Variants in IQCJ observed in about 807,000 individuals in gnomAD.
IQCJ encodes the protein IQ domain-containing protein J.
IQCJ carries 9 observed loss-of-function variants against 11.0 expected under a neutral mutation model. The ratio of observed to expected loss-of-function variants is 0.82; its 90% confidence interval spans 0.49 to 1.43. The LOEUF (loss-of-function observed/expected upper bound fraction) is 1.43. Ranked by LOEUF, IQCJ falls within the 40% of genes most tolerant of loss-of-function variation. The probability of loss-of-function intolerance (pLI) is 0.00; values close to 1 mark genes in which losing one functional copy is unlikely to be tolerated. For synonymous variants in IQCJ, 55 were observed against 51.3 expected, an observed-to-expected ratio of 1.07 and a Z score of -0.31; for missense variants, 146 against 133.2, an observed-to-expected ratio of 1.10 and a Z score of -0.47.
chr3:159,116,614 GTA>G (rs57810703), intron 1 of IQCJ, among the ~76,000 whole-genome samples: 47 of 57,710 alleles, frequency 8.1e-4, no homozygotes, highest in South Asian at 2.3e-3. Context: ...CTGCTCATAT[GTA>G]TATATATATA....
At chr3:159,145,445 C>A (rs1014322383) in intron 1 of IQCJ, among the ~76,000 whole-genome samples, 2 of 152,084 alleles carry the variant, frequency 1.3e-5, no homozygotes, top group African/African-American at 4.8e-5. Flanking sequence ...ACATAGACAG[C>A]TAACTGTATC....
intron 1 of IQCJ, among the ~76,000 whole-genome samples, chr3:159,092,779 A>G (rs1473703674): frequency 3.5e-5 from 5 of 143,882 alleles, no homozygotes; most frequent in Non-Finnish European, 6.2e-5. Context: ...TTATAAGATA[A>G]TATTTCTGAA....
intron 1 of IQCJ, among the ~76,000 whole-genome samples, chr3:159,217,041 A>T (rs1725276701): frequency 6.6e-6 from 1 of 152,176 alleles, no homozygotes; most frequent in Non-Finnish European, 1.5e-5. Flanking sequence ...AATATTTCAA[A>T]AATCTTAAAA....
chr3:159,181,559 G>T (rs1341251460), intron 1 of IQCJ, among the ~76,000 whole-genome samples: 3 of 150,882 alleles, frequency 2.0e-5, no homozygotes, highest in Non-Finnish European at 2.9e-5. Context: ...TCCTCTCAAG[G>T]CAAAATGCAA....
At chr3:159,153,708 A>G (rs1298716627) in intron 1 of IQCJ, among the ~76,000 whole-genome samples, 1 of 152,188 alleles carries the variant, frequency 6.6e-6, no homozygotes, top group Non-Finnish European at 1.5e-5. Flanking sequence ...ACTACCCAAG[A>G]TCTTTTAAAT....
chr3:159,189,282 T>C (rs2108035353), intron 1 of IQCJ, among the ~76,000 whole-genome samples: 1 of 152,304 alleles, frequency 6.6e-6, no homozygotes, highest in South Asian at 2.1e-4. Context: ...AAAAGTTATA[T>C]AGATATATTT....
intron 1 of IQCJ, among the ~76,000 whole-genome samples, chr3:159,136,539 CA>C (rs1559998810): frequency 6.6e-6 from 1 of 152,130 alleles, no homozygotes; most frequent in Non-Finnish European, 1.5e-5. Flanking sequence ...GGCTTATGAA[CA>C]GTAGAAATTT....
chr3:159,227,642 C>A (rs1035931836), intron 1 of IQCJ, among the ~76,000 whole-genome samples: 1 of 152,164 alleles, frequency 6.6e-6, no homozygotes, highest in Non-Finnish European at 1.5e-5. Flanking sequence ...CTAGACGGAG[C>A]ATATTGTACG....
intron 1 of IQCJ, among the ~76,000 whole-genome samples, chr3:159,224,221 A>G (rs1019027645): frequency 1.3e-5 from 2 of 152,162 alleles, no homozygotes; most frequent in African/African-American, 4.8e-5. Flanking sequence ...CAATTTGGAG[A>G]GGCTCCCACT....
At chr3:159,189,191 T>C (rs1723543092) in intron 1 of IQCJ, among the ~76,000 whole-genome samples, 1 of 152,148 alleles carries the variant, frequency 6.6e-6, no homozygotes, top group South Asian at 2.1e-4. Flanking sequence ...AAATAAATAA[T>C]AGTGACTACG....
In IQCJ at chr3:159,148,392, G is replaced by A. The variant is rs541106585; in HGVS notation, c.9+78951G>A. ...GATGATGTATTAAGTAAGCAAACTT[G>A]TTCATTGGCATGAGTAGTAAGTGAA... is the stretch of plus-strand genomic sequence containing the variant. On this transcript the variant is annotated intron_variant, in intron 1 of 3. Transcript: ENST00000397832. Among the ~76,000 whole-genome samples, 3 of 152,276 alleles carry A rather than the reference G, an allele frequency of 2.0e-5. No individual in the cohort carries two copies. The South Asian group carries it at 6.2e-4, about 32-fold the overall frequency.
At chr3:159,182,009 C>T (rs1421115872) in intron 1 of IQCJ, among the ~76,000 whole-genome samples, 2 of 151,076 alleles carry the variant, frequency 1.3e-5, no homozygotes, top group African/African-American at 2.5e-5. Flanking sequence ...CATCACCAAG[C>T]TTTATGTGAC....
At chr3:159,192,419 G>C (rs1378902225) in intron 1 of IQCJ, among the ~76,000 whole-genome samples, 1 of 152,144 alleles carries the variant, frequency 6.6e-6, no homozygotes, top group Non-Finnish European at 1.5e-5. Context: ...AACTTCTTGG[G>C]GAGTGGTTTT....
At chr3:159,082,537 A>G (rs542923747) in intron 1 of IQCJ, among the ~76,000 whole-genome samples, 1 of 145,924 alleles carries the variant, frequency 6.9e-6, no homozygotes, top group Admixed American at 6.7e-5. Flanking sequence ...AGGCCCAGGA[A>G]AAAAAAAATG....
chr3:159,234,607 C>A (rs73877568), intron 1 of IQCJ, among the ~76,000 whole-genome samples: 1,773 of 152,206 alleles, frequency 0.012, 31 homozygotes, highest in African/African-American at 0.041. Context: ...AGATAGAGAC[C>A]AGCCTGTATA....
Position 159,073,455 on chromosome 3 carries a change from A to G in IQCJ, c.9+4014A>G, listed in dbSNP as rs1252911436. ...AAGTACCTATGCTTTGGGTCATTCA[A>G]GTGCTGAGTGGGCACCTCAGAGTAA... On this transcript the variant is annotated intron_variant, in intron 1 of 3. Coordinates refer to ENST00000397832, the MANE Select transcript of IQCJ (RefSeq NM_001042706.3). Among the ~76,000 whole-genome samples, 5 of 152,088 alleles carry G rather than the reference A, an allele frequency of 3.3e-5. No homozygotes were observed. In the East Asian group the frequency reaches 7.7e-4, roughly 24 times the overall value.
rs763856821 is a variant in IQCJ at position 159,120,518 on chromosome 3, C to T, written c.9+51077C>T. Among the ~76,000 whole-genome samples, 8 of 152,268 alleles carry T rather than the reference C, an allele frequency of 5.3e-5. No homozygotes were observed. In the South Asian group the frequency reaches 1.0e-3, roughly 20 times the overall value. Reference sequence around the variant, plus strand: ...TCTTTTCCATTGGCTAGAACTCAGCCATTATAGCCATATCTGGGGAAAGCT... The same window carrying T: ...TCTTTTCCATTGGCTAGAACTCAGCTATTATAGCCATATCTGGGGAAAGCT... On this transcript the variant is annotated intron_variant, in intron 1 of 3. Transcript: ENST00000397832.
chr3:159,213,841 A>G (rs1184973523), intron 1 of IQCJ, among the ~76,000 whole-genome samples: 3 of 152,070 alleles, frequency 2.0e-5, no homozygotes, highest in African/African-American at 7.2e-5. Context: ...TAACTTCTTT[A>G]TCATTTGTGG....
chr3:159,114,912 C>T (rs1718870655), intron 1 of IQCJ, among the ~76,000 whole-genome samples: 1 of 152,186 alleles, frequency 6.6e-6, no homozygotes, highest in South Asian at 2.1e-4. Context: ...AGTCAGGTTT[C>T]CTGCCCCCCT....
Sources: gnomAD v4.1 joint callset for allele counts (sites outside exome capture counted in the v4.1 genomes callset) on GRCh38, gnomAD v4.1.1 for gene constraint, MANE v1.5 for transcripts, NCBI Gene and HGNC (gene_info 2026-07-23, HGNC 2026-07-21) for gene names.